The following PCDH11Y variants were observed in gnomAD, a reference collection of about 807,000 sequenced individuals.
The protein encoded by PCDH11Y is protocadherin 11 Y-linked.
For synonymous variants in PCDH11Y, 9 were observed against 83.6 expected, an observed-to-expected ratio of 0.11 and a Z score of 4.87; for missense variants, 12 against 224.8, an observed-to-expected ratio of 0.05 and a Z score of 6.05.
chrY:5,046,201 T>C (rs2052638046), intron 3 of PCDH11Y, among the ~76,000 whole-genome samples: 1 of 33,841 alleles, frequency 3.0e-5, no homozygotes, highest in African/African-American at 1.1e-4. Flanking sequence ...CTTTTTAGAA[T>C]TTCCAGTTTT....
intron 2 of PCDH11Y, among the ~76,000 whole-genome samples, chrY:5,211,764 C>A: frequency 6.1e-5 from 2 of 32,724 alleles, no homozygotes; most frequent in African/African-American, 2.4e-4. Context: ...GCCTCAGCCT[C>A]CCAAGCAGCT....
intron 3 of PCDH11Y, among the ~76,000 whole-genome samples, chrY:5,556,529 A>T: frequency 3.0e-5 from 1 of 33,022 alleles, no homozygotes; most frequent in Non-Finnish European, 7.5e-5. Flanking sequence ...TAGATTCTTG[A>T]TATTAGTCCT....
chrY:5,566,122 C>A (rs2053434928), intron 3 of PCDH11Y, among the ~76,000 whole-genome samples: 1 of 27,023 alleles, frequency 3.7e-5, no homozygotes, highest in Non-Finnish European at 8.5e-5. Context: ...TACAGGCGTG[C>A]CCCACCACAC....
chrY:5,105,627 CA>C (rs747117786), downstream of PCDH11Y, among the ~76,000 whole-genome samples: 6 of 4,387 alleles, frequency 1.4e-3, no homozygotes, highest in Non-Finnish European at 2.5e-3. Context: ...GACTCCGTCT[CA>C]AAAAAAAAAA....
intron 4 of PCDH11Y, among the ~76,000 whole-genome samples, chrY:5,638,267 T>C: frequency 3.2e-5 from 1 of 31,005 alleles, no homozygotes; most frequent in African/African-American, 1.3e-4. Context: ...CTTACTATAC[T>C]GTTTGGCCTT....
intron 3 of PCDH11Y, among the ~76,000 whole-genome samples, chrY:5,509,849 A>G (rs2053362451): frequency 3.5e-5 from 1 of 28,495 alleles, no homozygotes; most frequent in Non-Finnish European, 8.4e-5. Context: ...TAAATGTCCT[A>G]TAAAAGTTAT....
At chrY:5,226,812 T>C in intron 2 of PCDH11Y, among the ~76,000 whole-genome samples, 2 of 30,594 alleles carry the variant, frequency 6.5e-5, no homozygotes, top group Admixed American at 6.2e-4. Flanking sequence ...GTGTCTGTTT[T>C]CATGCAAGTT....
intron 1 of PCDH11Y, among the ~76,000 whole-genome samples, chrY:5,004,776 T>C: frequency 2.9e-5 from 1 of 34,259 alleles, no homozygotes; most frequent in African/African-American, 1.1e-4. Flanking sequence ...CCACAAACTT[T>C]AATTAGTCAC....
chrY:5,684,760 G>A (rs2053561905), intron 4 of PCDH11Y, among the ~76,000 whole-genome samples: 1 of 33,075 alleles, frequency 3.0e-5, no homozygotes, highest in Non-Finnish European at 7.5e-5. Flanking sequence ...TCATTTATTC[G>A]TGCAATCTAA....
At chrY:5,236,154 G>A (rs1602890606) in intron 2 of PCDH11Y, among the ~76,000 whole-genome samples, 14 of 32,866 alleles carry the variant, frequency 4.3e-4, no homozygotes, top group African/African-American at 1.4e-3. Flanking sequence ...GGCCTTGAAC[G>A]ATTTTACAAA....
At chrY:5,234,274 ATC>A (rs2052972181) in intron 2 of PCDH11Y, among the ~76,000 whole-genome samples, 1 of 16,207 alleles carries the variant, frequency 6.2e-5, no homozygotes, top group Non-Finnish European at 1.2e-4. Context: ...AGACAGAGTC[ATC>A]TCTCTCTCCC....
intron 2 of PCDH11Y, among the ~76,000 whole-genome samples, chrY:5,115,669 T>A: frequency 2.2e-4 from 7 of 31,273 alleles, no homozygotes; most frequent in Admixed American, 8.9e-4. Context: ...TTCTTGGCAC[T>A]TACATTGAAA....
intron 1 of PCDH11Y, among the ~76,000 whole-genome samples, chrY:5,093,679 A>C: frequency 3.3e-5 from 1 of 30,450 alleles, no homozygotes; most frequent in Admixed American, 3.0e-4. Flanking sequence ...AACAGAAAAG[A>C]AGTAGTTGTT....
intron 2 of PCDH11Y, among the ~76,000 whole-genome samples, chrY:5,417,065 T>A: frequency 3.2e-5 from 1 of 30,771 alleles, no homozygotes; most frequent in African/African-American, 1.3e-4. Flanking sequence ...GAAATTCAAC[T>A]AAGCTAAGCC....
chrY:5,020,877 A>T (rs2052568625), intron 1 of PCDH11Y, among the ~76,000 whole-genome samples: 1 of 33,759 alleles, frequency 3.0e-5, no homozygotes, highest in Non-Finnish European at 7.4e-5. Context: ...TATATTAGAC[A>T]TTAGTATTTA....
intron 2 of PCDH11Y, among the ~76,000 whole-genome samples, chrY:5,290,165 G>A (rs2124661811): frequency 3.0e-5 from 1 of 33,171 alleles, no homozygotes; most frequent in African/African-American, 1.2e-4. Context: ...CTTAAATTGG[G>A]TGATGTCTCA....
intron 2 of PCDH11Y, among the ~76,000 whole-genome samples, chrY:5,383,687 C>T: frequency 6.4e-5 from 2 of 31,353 alleles, no homozygotes; most frequent in Admixed American, 3.0e-4. Context: ...GGTGGGATCT[C>T]GGCTCACTGA....
At chrY:5,459,352 A>G in intron 2 of PCDH11Y, among the ~76,000 whole-genome samples, 1 of 32,457 alleles carries the variant, frequency 3.1e-5, no homozygotes, top group Non-Finnish European at 7.7e-5. Context: ...TTCCTTTTCA[A>G]TTTGGTACGT....
chrY:5,673,549 T>G, intron 4 of PCDH11Y, among the ~76,000 whole-genome samples: 2 of 23,934 alleles, frequency 8.4e-5, no homozygotes, highest in African/African-American at 3.3e-4. Flanking sequence ...AGCTAAACAC[T>G]AAAATTTAGC....
Sources: allele counts gnomAD v4.1 joint callset (sites outside exome capture counted in the v4.1 genomes callset), GRCh38; gene constraint gnomAD v4.1.1; transcripts MANE v1.5; gene names NCBI Gene and HGNC (gene_info 2026-07-23, HGNC 2026-07-21).